The following ECE1 variants were observed in gnomAD, a reference collection of about 807,000 sequenced individuals.
ECE1 encodes the protein endothelin converting enzyme 1, also known as endothelin-converting enzyme 1.
Under a neutral mutation model 98.6 loss-of-function variants are expected in ECE1, and 35 were observed. The observed-to-expected ratio is 0.35, with a 90% CI of 0.27 to 0.47. The LOEUF (loss-of-function observed/expected upper bound fraction) is 0.47, where lower values mean the gene tolerates loss of function less well. ECE1 is among the 20% of genes least tolerant of loss of function. The probability of loss-of-function intolerance (pLI) is 1.00; values close to 1 mark genes in which losing one functional copy is unlikely to be tolerated. For synonymous variants in ECE1, 394 were observed against 407.1 expected (o/e 0.97, Z 0.39); for missense variants, 814 against 1,025.3 (o/e 0.79, Z 2.81).
At chr1:21,290,820 T>C (rs956465923), upstream of ECE1, among the ~76,000 whole-genome samples, 9 of 152,226 alleles carry the variant, frequency 5.9e-5, no homozygotes, top group African/African-American at 2.2e-4. The surrounding 1 kb of genome is among the most constrained non-coding windows in gnomAD (Gnocchi z 7.3). Context: ...GGGTTAATGC[T>C]AGAAAGACCA....
rs1433141836 is a variant in ECE1, at chr1:21,322,249, C to G, written c.3+23127G>C. 1.3e-5 allele frequency among the ~76,000 whole-genome samples: 2 copies of G among 151,998 alleles called. No individual in the cohort carries two copies. Among genetic ancestry groups the G allele is most frequent in the Non-Finnish European group, 2.9e-5 (2 of 67,966 alleles). On this transcript the variant is annotated intron_variant, in intron 1 of 18. Coordinates refer to the ECE1 transcript ENST00000415912. This position sits in a 1 kb window ranked among gnomAD's most constrained non-coding sequence, Gnocchi z 4.1. ...AGTGGGGATGGGGGTGTGGATAAAA[C>G]CAGGAGACCCCACACCCCACCTGAG...
upstream of ECE1, among the ~76,000 whole-genome samples, chr1:21,290,741 G>A (rs1280396033): frequency 6.6e-6 from 1 of 152,194 alleles, no homozygotes; most frequent in Non-Finnish European, 1.5e-5. This position sits in a 1 kb window ranked among gnomAD's most constrained non-coding sequence, Gnocchi z 7.3. Flanking sequence ...TATCAGGAAG[G>A]TGCCCTCGAT....
chr1:21,220,151 A>G lies in ECE1; in HGVS notation c.2137-20T>C. 6.2e-7 allele frequency: 1 copy of G among 1,602,512 alleles called. No homozygotes were observed. Among genetic ancestry groups the G allele is most frequent in the Non-Finnish European group, 8.5e-7 (1 of 1,172,488 alleles). ...CCAGACCTTTGAAGGGGCAACAGGG[A>G]GAGGCCAGGGTCACTGTGGGGCCCT... On this transcript the variant is annotated intron_variant, in intron 18 of 18. Transcript: ENST00000374893. This position sits in a 1 kb window ranked among gnomAD's most constrained non-coding sequence, Gnocchi z 5.0.
Position 21,335,100 on chromosome 1 carries a change from C to T in ECE1, c.3+10276G>A, listed in dbSNP as rs570265075. On this transcript the variant is annotated intron_variant, in intron 1 of 18. Transcript: ENST00000415912. ...CCCTCCACCCTCCACTGCCTCTGCCCGGCCACACCAGCGTTCACCCCCTAC... is the reference window on the plus strand; with the variant it reads ...CCCTCCACCCTCCACTGCCTCTGCCTGGCCACACCAGCGTTCACCCCCTAC... 4.1e-3 allele frequency among the ~76,000 whole-genome samples: 628 copies of T among 152,228 alleles called. 3 individuals carry two copies. Among genetic ancestry groups the T allele is most frequent in the African/African-American group, 0.014 (576 of 41,512 alleles).
Position 21,304,075 on chromosome 1 carries a change from G to C in ECE1, c.4-13919C>G, listed in dbSNP as rs555852759. 1.8e-4 allele frequency among the ~76,000 whole-genome samples: 27 copies of C among 151,084 alleles called. 1 individual carries two copies. The East Asian group carries it at 5.3e-3, about 30-fold the overall frequency. ...TCACGCCTGTAATCCCAGCACTCTG[G>C]GAGGCTGAGGCAGGCGGATCACGAG... is the stretch of plus-strand genomic sequence containing the variant. On this transcript the variant is annotated intron_variant, in intron 1 of 18. Transcript: ENST00000415912.
chr1:21,302,407 T>C (rs554358334), intron 1 of ECE1, among the ~76,000 whole-genome samples: 108 of 152,336 alleles, frequency 7.1e-4, no homozygotes, highest in African/African-American at 2.4e-3. Flanking sequence ...GACTTTCTCA[T>C]TGGTGAAACG....
In ECE1 at chr1:21,221,817, T is replaced by C; in HGVS notation, c.2066A>G (p.Asn689Ser). Reference protein sequence around the residue: ...YRAYQNWVKKNGAEHSLPTLG... With the variant: ...YRAYQNWVKKSGAEHSLPTLG... ...GGTGGGGAGCGAGTGCTCAGCCCCG[T>C]TCTTCTTCACCCAGTTCTGGTAAGC... Residue 689 changes from asparagine (N) to serine (S), a missense_variant, in exon 18 of 19, where the codon AAC becomes AGC. By Grantham distance (46) the Asn-to-Ser change is conservative. Around this residue, in one of 3 missense-constraint regions of ECE1, gnomAD observed 452 missense variants for 567.3 expected, o/e 0.80. Coordinates refer to ENST00000374893, the MANE Select transcript of ECE1 (RefSeq NM_001397.3). The C allele has an allele frequency of 6.2e-7, 1 of 1,614,160 alleles. No individual in the cohort carries two copies. The highest frequency in any genetic ancestry group is 8.5e-7 in the Non-Finnish European group (1 of 1,180,014).
Position 21,290,361 on chromosome 1 carries a change from C to T in ECE1, c.51+3G>A. The T allele has an allele frequency of 8.1e-7, 1 of 1,233,644 alleles. No individual in the cohort carries two copies. Among genetic ancestry groups the T allele is most frequent in the East Asian group, 3.2e-5 (1 of 30,986 alleles). 76.4% of individuals were successfully genotyped at this position (1,233,644 alleles called of 1,614,324 possible). A position where few individuals can be genotyped will look rare whatever the true frequency, so the allele number is the denominator to read the frequency against. ...CCCGCCCTCCAGGCCGCGCCCGCCT[C>T]ACCCCCAGCGCCGACAGCAGGGCGG... On this transcript the variant is annotated splice_donor_region_variant and intron_variant, in intron 1 of 18. Coordinates refer to ENST00000374893, the MANE Select transcript of ECE1 (RefSeq NM_001397.3). This position sits in a 1 kb window ranked among gnomAD's most constrained non-coding sequence, Gnocchi z 7.3.
intron 4 of ECE1, among the ~76,000 whole-genome samples, chr1:21,271,599 A>G (rs1368211722): frequency 2.0e-5 from 3 of 152,150 alleles, no homozygotes; most frequent in Admixed American, 1.3e-4. Flanking sequence ...GGAGACAGCC[A>G]TGGTCCCAGC....
intron 4 of ECE1, among the ~76,000 whole-genome samples, chr1:21,265,130 C>A (rs144665726): frequency 2.2e-4 from 33 of 152,268 alleles, no homozygotes; most frequent in Admixed American, 4.6e-4. Context: ...CCTACATAAT[C>A]CCCAGCCCCA....
At chr1:21,311,509 C>CAAAAAAAAAAAAAAAAAAA (rs397979522) in intron 1 of ECE1, among the ~76,000 whole-genome samples, 1 of 74,288 alleles carries the variant, frequency 1.3e-5, no homozygotes, top group Non-Finnish European at 2.6e-5. Context: ...CCTGTCTCCA[C>CAAAAAAAAAAAAAAAAAAA]AAAAAAAAAA....
chr1:21,268,786 G>A lies in ECE1; in HGVS notation c.493+3913C>T, dbSNP rs527466820. On this transcript the variant is annotated intron_variant, in intron 4 of 18. Transcript: ENST00000374893. ...GACGCTGAACCCAGCCTGGCCTTAA[G>A]CCCAAGAATGCACTGGCCCACACTC... is the stretch of plus-strand genomic sequence containing the variant. Among the ~76,000 whole-genome samples the A allele has an allele frequency of 2.0e-5, 3 of 152,292 alleles. No individual in the cohort carries two copies. The South Asian group carries it at 6.2e-4, about 32-fold the overall frequency.
intron 16 of ECE1, among the ~76,000 whole-genome samples, chr1:21,226,170 TA>T (rs747876836): frequency 6.6e-6 from 1 of 152,010 alleles, no homozygotes; most frequent in Non-Finnish European, 1.5e-5. Context: ...TTTTGGACAT[TA>T]GTTGGAGAGG....
chr1:21,308,364 A>AC (rs1338799752), intron 1 of ECE1, among the ~76,000 whole-genome samples: 1 of 151,820 alleles, frequency 6.6e-6, no homozygotes, highest in Non-Finnish European at 1.5e-5. Context: ...CCTGTGTAGG[A>AC]CCCCCAGGGG....
At chr1:21,279,564 C>T (rs1049346576) in intron 2 of ECE1, 98 of 1,442,668 alleles carry the variant, frequency 6.8e-5, no homozygotes, top group Non-Finnish European at 8.4e-5. Context: ...AGCTCGGCCC[C>T]GACAGGCTTG....
At chr1:21,262,667 A>T (rs530049135) in intron 4 of ECE1, among the ~76,000 whole-genome samples, 1 of 152,324 alleles carries the variant, frequency 6.6e-6, no homozygotes, top group African/African-American at 2.4e-5. Flanking sequence ...TGGCTGTGCT[A>T]ATCACAGCGA....
intron 10 of ECE1, among the ~76,000 whole-genome samples, chr1:21,238,513 C>T (rs1485479574): frequency 6.6e-6 from 1 of 152,194 alleles, no homozygotes; most frequent in Non-Finnish European, 1.5e-5. Context: ...TCGGGGCTTA[C>T]AAGCCGTTTG....
intron 2 of ECE1, chr1:21,279,783 C>A: frequency 9.3e-7 from 1 of 1,076,018 alleles, no homozygotes; most frequent in Non-Finnish European, 1.2e-6. Flanking sequence ...CACAGACATC[C>A]TTAGCTCATT....
At chr1:21,245,831 G>T (rs1295373959) in intron 9 of ECE1, among the ~76,000 whole-genome samples, 1 of 152,134 alleles carries the variant, frequency 6.6e-6, no homozygotes, top group African/African-American at 2.4e-5. Context: ...AAGGAGACTA[G>T]ACATTTAGTT....
Sources: allele counts gnomAD v4.1 joint callset (sites outside exome capture counted in the v4.1 genomes callset), GRCh38; gene constraint gnomAD v4.1.1; regional missense constraint gnomAD v4.1.1; non-coding constraint Gnocchi (gnomAD v3.1); transcripts MANE v1.5; gene names NCBI Gene and HGNC (gene_info 2026-07-23, HGNC 2026-07-21).